Variants in SCAPER observed in about 807,000 individuals in gnomAD.
SCAPER encodes the protein S-phase cyclin A associated protein in the ER, also known as S phase cyclin A-associated protein in the endoplasmic reticulum.
In SCAPER, 98 loss-of-function variants were observed where a neutral mutation model predicts 182.2. The ratio of observed to expected loss-of-function variants is 0.54; its 90% CI spans 0.46 to 0.64. The LOEUF (loss-of-function observed/expected upper bound fraction) is 0.64. Ranked by LOEUF, SCAPER falls within the 30% of genes least tolerant of loss-of-function variation. The pLI, the probability that SCAPER is intolerant of heterozygous loss-of-function variation, is 0.00. For synonymous variants in SCAPER, 605 were observed against 564.6 expected (o/e 1.07, Z -1.01); for missense variants, 1,432 against 1,690.0 (o/e 0.85, Z 2.68).
intron 1 of SCAPER, among the ~76,000 whole-genome samples, chr15:76,891,079 T>G (rs2074137562): frequency 6.6e-6 from 1 of 152,196 alleles, no homozygotes; most frequent in Admixed American, 6.5e-5. Flanking sequence ...CACATGATTA[T>G]CTCAATAGAT....
At chr15:76,811,595 A>C (rs2066627211) in intron 5 of SCAPER, among the ~76,000 whole-genome samples, 1 of 152,134 alleles carries the variant, frequency 6.6e-6, no homozygotes, top group South Asian at 2.1e-4. Context: ...GTTCAAGACC[A>C]GCCTGATCAA....
intron 16 of SCAPER, among the ~76,000 whole-genome samples, chr15:76,729,367 TCTGA>T (rs548806178): frequency 4.5e-4 from 68 of 151,986 alleles, no homozygotes; most frequent in Non-Finnish European, 8.7e-4. Flanking sequence ...TCTAGAGAAC[TCTGA>T]CTAATACAGA....
At chr15:76,458,300 GA>G (rs1266434970) in intron 25 of SCAPER, among the ~76,000 whole-genome samples, 1 of 151,848 alleles carries the variant, frequency 6.6e-6, no homozygotes, top group Admixed American at 6.6e-5. Context: ...AAGGGAAAGA[GA>G]GAGAGAAAAA....
rs540036709 is a variant in SCAPER at position 76,829,424 on chromosome 15, C to T, written c.393+12310G>A. Among the ~76,000 whole-genome samples, 11 of 152,130 alleles carry T rather than the reference C, an allele frequency of 7.2e-5. No homozygotes were observed. The South Asian group carries it at 2.1e-3, about 29-fold the overall frequency. On this transcript the variant is annotated intron_variant, in intron 5 of 31. Coordinates refer to ENST00000563290, the MANE Select transcript of SCAPER (RefSeq NM_020843.4). ...TAATTTCAAAAATATAAATGTAAAC[C>T]TAACACTATCTATAGAGAATCCATG...
chr15:76,577,793 G>A (rs539760688), intron 22 of SCAPER, among the ~76,000 whole-genome samples: 1 of 152,068 alleles, frequency 6.6e-6, no homozygotes, highest in South Asian at 2.1e-4. Context: ...GTGGCTACGG[G>A]GAGAGACTCC....
At chr15:76,697,764 G>A (rs751114404) in intron 20 of SCAPER, among the ~76,000 whole-genome samples, 28 of 151,814 alleles carry the variant, frequency 1.8e-4, no homozygotes, top group Non-Finnish European at 2.6e-4. Flanking sequence ...CTCAGCCTCT[G>A]AAGTAGCTGG....
At chr15:76,598,186 C>A (rs1236519493) in intron 22 of SCAPER, among the ~76,000 whole-genome samples, 1 of 119,992 alleles carries the variant, frequency 8.3e-6, no homozygotes, top group African/African-American at 2.5e-5. Flanking sequence ...ATGCGGCCAA[C>A]AAACATGAAA....
chr15:76,351,954 T>C (rs531656111), intron 30 of SCAPER, among the ~76,000 whole-genome samples: 2 of 152,210 alleles, frequency 1.3e-5, no homozygotes, highest in Non-Finnish European at 2.9e-5. Flanking sequence ...CAGATTTTTT[T>C]TGTAAGACAA....
chr15:76,699,950 A>G (rs1282151076), intron 20 of SCAPER, among the ~76,000 whole-genome samples: 1 of 152,226 alleles, frequency 6.6e-6, no homozygotes, highest in Admixed American at 6.5e-5. Context: ...CAGCTGCCAG[A>G]AAGTGGTGGG....
intron 21 of SCAPER, among the ~76,000 whole-genome samples, chr15:76,655,078 A>G (rs2055510589): frequency 6.6e-6 from 1 of 152,226 alleles, no homozygotes; most frequent in South Asian, 2.1e-4. Flanking sequence ...CACAGAATTC[A>G]GAAGATGAAA....
intron 23 of SCAPER, among the ~76,000 whole-genome samples, chr15:76,525,541 C>T (rs1220687167): frequency 6.6e-6 from 1 of 152,048 alleles, no homozygotes; most frequent in Non-Finnish European, 1.5e-5. Flanking sequence ...TCTAGTTGTC[C>T]CCATTGTCCA....
At chr15:76,413,461 T>A (rs1175428545) in intron 26 of SCAPER, among the ~76,000 whole-genome samples, 1 of 152,220 alleles carries the variant, frequency 6.6e-6, no homozygotes, top group Non-Finnish European at 1.5e-5. Flanking sequence ...TTTGTTGAGG[T>A]CAGTGCCAGG....
intron 21 of SCAPER, among the ~76,000 whole-genome samples, chr15:76,657,378 A>T (rs1226731474): frequency 2.0e-5 from 3 of 152,032 alleles, no homozygotes; most frequent in Non-Finnish European, 4.4e-5. Context: ...AAAGCCCAAT[A>T]ACTAGGACTG....
intron 21 of SCAPER, among the ~76,000 whole-genome samples, chr15:76,639,505 G>C (rs927509784): frequency 3.3e-5 from 5 of 152,194 alleles, no homozygotes; most frequent in African/African-American, 1.2e-4. Context: ...ACTGGTATGA[G>C]AGTTGGGGCT....
rs563290168 is a variant in SCAPER at position 76,352,674 on chromosome 15, T to TCCTGACCTCAAGTGATCTGCTCACC, written c.4047+1250_4047+1274dup. Among the ~76,000 whole-genome samples, 145 of 151,916 alleles carry TCCTGACCTCAAGTGATCTGCTCACC rather than the reference T, an allele frequency of 9.5e-4. 1 individual carries two copies. The East Asian group carries it at 0.013, about 14-fold the overall frequency. ...TATGTTGGCCAGGCTGGTCGCAAAC[T>TCCTGACCTCAAGTGATCTGCTCACC]CCTGACCTCAAGTGATCTGCTCACC... On this transcript the variant is annotated intron_variant, in intron 30 of 31. Transcript: ENST00000563290.
chr15:76,853,553 G>GA (rs776104865), intron 4 of SCAPER, among the ~76,000 whole-genome samples: 4,613 of 137,232 alleles, frequency 0.034, 91 homozygotes, highest in Non-Finnish European at 0.05. Context: ...CAGAACTAAA[G>GA]AAAAAAAAAA....
intron 5 of SCAPER, among the ~76,000 whole-genome samples, chr15:76,804,883 T>C (rs1051525613): frequency 6.6e-6 from 1 of 152,140 alleles, no homozygotes; most frequent in Non-Finnish European, 1.5e-5. Flanking sequence ...TAGCCATCCT[T>C]TCAACCTTTT....
chr15:76,358,505 T>A (rs1426282254), intron 29 of SCAPER, among the ~76,000 whole-genome samples: 1 of 152,218 alleles, frequency 6.6e-6, no homozygotes, highest in East Asian at 1.9e-4. Context: ...ACCAGCATGG[T>A]GGGGCTGGTG....
intron 22 of SCAPER, among the ~76,000 whole-genome samples, chr15:76,574,668 C>A (rs569448431): frequency 6.6e-6 from 1 of 152,090 alleles, no homozygotes; most frequent in Non-Finnish European, 1.5e-5. Flanking sequence ...TTTAAATCTT[C>A]GAATATTATT....
Sources: allele counts gnomAD v4.1 joint callset (sites outside exome capture counted in the v4.1 genomes callset), GRCh38; gene constraint gnomAD v4.1.1; transcripts MANE v1.5; gene names NCBI Gene and HGNC (gene_info 2026-07-23, HGNC 2026-07-21).